Variants in EHMT1 observed in about 807,000 individuals in gnomAD.
EHMT1 encodes the protein euchromatic histone lysine methyltransferase 1.
In EHMT1, 15 loss-of-function variants were observed where a neutral mutation model predicts 147.2. The observed-to-expected ratio is 0.10, with a 90% CI of 0.07 to 0.16. The LOEUF (loss-of-function observed/expected upper bound fraction) is 0.16. Among genes scored for constraint, EHMT1 ranks in the 10% least tolerant of loss-of-function variants. The pLI, the probability that EHMT1 is intolerant of heterozygous loss-of-function variation, is 1.00. For missense variants in EHMT1, 1,587 were observed against 1,772.4 expected, an observed-to-expected ratio of 0.90 and a Z score of 1.88; for synonymous variants, 795 against 709.6, an observed-to-expected ratio of 1.12 and a Z score of -1.91.
intron 25 of EHMT1, among the ~76,000 whole-genome samples, chr9:137,830,895 C>T (rs930654858): frequency 5.9e-5 from 9 of 152,148 alleles, no homozygotes; most frequent in African/African-American, 1.4e-4. Flanking sequence ...TTAGTCCATT[C>T]GAGCTGTGAT....
intron 13 of EHMT1, 111 bp from the exon 14 acceptor site, chr9:137,779,523 GC>G: frequency 8.9e-7 from 1 of 1,119,244 alleles, no homozygotes; most frequent in African/African-American, 1.5e-5. Context: ...GGGACGCGGA[GC>G]CCCATGAGCT....
chr9:137,774,919 C>G (rs865957581), intron 10 of EHMT1, among the ~76,000 whole-genome samples, 190 bp from the exon 11 acceptor site: 15 of 152,286 alleles, frequency 9.8e-5, no homozygotes, highest in African/African-American at 2.6e-4. Flanking sequence ...CCCTGTTTGT[C>G]CCCCGTGCTG....
intron 1 of EHMT1, among the ~76,000 whole-genome samples, chr9:137,672,058 T>C (rs1940732280): frequency 1.3e-5 from 2 of 152,200 alleles, no homozygotes; most frequent in Admixed American, 1.3e-4. Context: ...TACATACAGA[T>C]GTGAAGCATT....
intron 22 of EHMT1, chr9:137,814,709 G>C (rs1588863054): frequency 1.5e-6 from 1 of 654,158 alleles, no homozygotes; most frequent in East Asian, 2.7e-5. Flanking sequence ...ACATGGCTGC[G>C]GATTCCCTGG....
At chr9:137,824,411 A>G (rs1955667806) in intron 25 of EHMT1, among the ~76,000 whole-genome samples, 1 of 152,174 alleles carries the variant, frequency 6.6e-6, no homozygotes, top group Non-Finnish European at 1.5e-5. Context: ...CTTGACTGAT[A>G]GTAAAGCTTG....
rs759766234 is a variant in EHMT1, at chr9:137,779,745, A to G, written c.2275+28A>G. On this transcript the variant is annotated intron_variant, in intron 14 of 26. Coordinates refer to ENST00000460843, the MANE Select transcript of EHMT1 (RefSeq NM_024757.5). ...AAGTGCCTTCCTGCGGCCCGGGCACATGCAGCCGGCCCTGTGGCACTGAAA... is the reference window on the plus strand; with the variant it reads ...AAGTGCCTTCCTGCGGCCCGGGCACGTGCAGCCGGCCCTGTGGCACTGAAA... The G allele has an allele frequency of 5.0e-6, 8 of 1,611,314 alleles. No individual in the cohort carries two copies. In the South Asian group the frequency reaches 7.7e-5, roughly 15 times the overall value.
chr9:137,703,119 G>C (rs940551958), intron 1 of EHMT1, among the ~76,000 whole-genome samples: 11 of 152,224 alleles, frequency 7.2e-5, no homozygotes, highest in South Asian at 4.1e-4. Context: ...AGCTGGAGTG[G>C]CTGTGATGCC....
chr9:137,671,877 G>C (rs1940700616), intron 1 of EHMT1, among the ~76,000 whole-genome samples: 2 of 152,178 alleles, frequency 1.3e-5, no homozygotes, highest in African/African-American at 4.8e-5. Flanking sequence ...CAACCCTGCA[G>C]TGCTGTGGTC....
rs777850355 is a variant in EHMT1, at chr9:137,782,644, CTTTGGT to C, written c.2382+261_2382+266del. On this transcript the variant is annotated intron_variant, in intron 15 of 26. Coordinates refer to ENST00000460843, the MANE Select transcript of EHMT1 (RefSeq NM_024757.5). This position sits in a 1 kb window ranked among gnomAD's most constrained non-coding sequence, Gnocchi z 5.7. ...ATTTGGCTGTTTCTTGATTTGCTTT[CTTTGGT>C]TTTGGTTTTGGTTCTTCACACTCAT... 6.6e-5 allele frequency among the ~76,000 whole-genome samples: 10 copies of C among 152,250 alleles called. No homozygotes were observed. The South Asian group carries it at 1.2e-3, about 19-fold the overall frequency.
chr9:137,803,805 C>T (rs1429050182), intron 18 of EHMT1, among the ~76,000 whole-genome samples: 4 of 150,074 alleles, frequency 2.7e-5, no homozygotes, highest in East Asian at 1.9e-4. Context: ...AAGCTGAGAT[C>T]GCACCACTGC....
At chr9:137,814,546 G>C (rs766989275) in intron 22 of EHMT1, 38 bp downstream of exon 22, 1 of 1,597,922 alleles carries the variant, frequency 6.3e-7, no homozygotes. Context: ...CAGGTGGTAA[G>C]TGCCGCTGGT....
At chr9:137,724,940 C>CCT (rs1564645033) in intron 3 of EHMT1, among the ~76,000 whole-genome samples, 1 of 145,376 alleles carries the variant, frequency 6.9e-6, no homozygotes, top group African/African-American at 2.5e-5. Context: ...TTGTGGCATT[C>CCT]GTGGGGCAGG....
intron 25 of EHMT1, among the ~76,000 whole-genome samples, chr9:137,826,367 T>C (rs1233670834): frequency 1.3e-5 from 2 of 152,230 alleles, no homozygotes; most frequent in East Asian, 3.8e-4. Flanking sequence ...GAAGATGCAC[T>C]GGGTCACCCC....
At chr9:137,771,201 T>TC (rs1950561578) in intron 10 of EHMT1, among the ~76,000 whole-genome samples, 1 of 133,786 alleles carries the variant, frequency 7.5e-6, no homozygotes, top group Non-Finnish European at 1.5e-5. Flanking sequence ...CCATGTCTTT[T>TC]TTTTTTTTTT....
At chr9:137,728,674 C>G in intron 4 of EHMT1, 145 bp downstream of exon 4, 2 of 1,052,560 alleles carry the variant, frequency 1.9e-6, no homozygotes, top group Non-Finnish European at 2.8e-6. Context: ...CCTGTGCTCG[C>G]CTGTATGCCT....
At chr9:137,622,906 CAAAA>C (rs1180436732) in intron 1 of EHMT1, among the ~76,000 whole-genome samples, 10 of 87,054 alleles carry the variant, frequency 1.1e-4, no homozygotes, top group Non-Finnish European at 2.2e-4. Context: ...AATCCTGTCT[CAAAA>C]AAAAAAAAAA....
chr9:137,681,083 G>C (rs917410267), intron 1 of EHMT1, among the ~76,000 whole-genome samples: 3 of 152,224 alleles, frequency 2.0e-5, no homozygotes. Flanking sequence ...GGAGGGACAG[G>C]AGCAAAGCCC....
intron 14 of EHMT1, among the ~76,000 whole-genome samples, chr9:137,780,262 ATG>A (rs1442932355): frequency 7.1e-6 from 1 of 140,194 alleles, no homozygotes; most frequent in African/African-American, 2.8e-5. Context: ...TGACGCTGGG[ATG>A]TGTGGTGATG....
intron 1 of EHMT1, among the ~76,000 whole-genome samples, chr9:137,702,600 C>T (rs1943930311): frequency 6.6e-6 from 1 of 152,176 alleles, no homozygotes; most frequent in Non-Finnish European, 1.5e-5. Context: ...CTTTCATGGG[C>T]TGGCGTTGAG....
Sources: gnomAD v4.1 joint callset for allele counts (sites outside exome capture counted in the v4.1 genomes callset) on GRCh38, gnomAD v4.1.1 for gene constraint, Gnocchi (gnomAD v3.1) non-coding constraint, MANE v1.5 for transcripts, NCBI Gene and HGNC (gene_info 2026-07-23, HGNC 2026-07-21) for gene names.